PTPRA: variants seen among roughly 807,000 people sequenced by gnomAD.
The protein encoded by PTPRA is protein tyrosine phosphatase receptor type A.
In PTPRA, 25 loss-of-function variants were observed where a neutral mutation model predicts 104.8. That is an observed-to-expected ratio of 0.24 (90% CI 0.17 to 0.33). The LOEUF (loss-of-function observed/expected upper bound fraction) is 0.33. PTPRA is among the 10% of genes least tolerant of loss of function. The pLI, the probability that PTPRA is intolerant of heterozygous loss-of-function variation, is 1.00. For missense variants in PTPRA, 765 were observed against 1,015.3 expected (o/e 0.75, Z 3.35); for synonymous variants, 323 against 368.9 (o/e 0.88, Z 1.43).
intron 5 of PTPRA, among the ~76,000 whole-genome samples, chr20:2,966,387 A>C (rs1163475147): frequency 6.6e-6 from 1 of 152,238 alleles, no homozygotes; most frequent in Admixed American, 6.5e-5. Flanking sequence ...TATTAGGATT[A>C]AACAAGTTAA....
chr20:2,866,652 A>AGCT, the PTPRA span: 3 of 1,582,390 alleles, frequency 1.9e-6, no homozygotes, highest in East Asian at 6.7e-5. Context: ...TAGTTCATCC[A>AGCT]GCTCCTCCCC....
chr20:2,997,931 G>T (rs974975226), intron 9 of PTPRA, among the ~76,000 whole-genome samples: 2 of 152,198 alleles, frequency 1.3e-5, no homozygotes, highest in African/African-American at 4.8e-5. Context: ...TTTAAGACCA[G>T]CCTAGGCAAT....
At chr20:3,031,402 C>T (rs1473225770) in intron 20 of PTPRA, among the ~76,000 whole-genome samples, 1 of 151,880 alleles carries the variant, frequency 6.6e-6, no homozygotes, top group Non-Finnish European at 1.5e-5. Flanking sequence ...TCTTGAATCC[C>T]CATTCCCCAT....
intron 9 of PTPRA, among the ~76,000 whole-genome samples, chr20:3,004,419 T>A (rs530875104): frequency 6.6e-6 from 1 of 152,324 alleles, no homozygotes; most frequent in Admixed American, 6.5e-5. Flanking sequence ...TGTGATAACC[T>A]CCCTGCACTA....
intron 6 of PTPRA, among the ~76,000 whole-genome samples, chr20:2,986,153 C>G (rs948344398): frequency 6.6e-6 from 1 of 152,124 alleles, no homozygotes; most frequent in Non-Finnish European, 1.5e-5. Context: ...GCAATCCACC[C>G]GCTTTGTCCT....
At position 3,038,504 on chromosome 20, in the gene PTPRA, G is replaced by A. The variant is rs1189743403; in HGVS notation, c.*371G>A. On this transcript the variant is annotated 3_prime_UTR_variant, in exon 24 of 24. Coordinates refer to ENST00000399903, the MANE Select transcript of PTPRA (RefSeq NM_001385305.1). Reference sequence around the variant, plus strand: ...GCACAAAGTTCTCAGAGCTCTCGAGGAAAGTGGTTGTCCCCGTACCACCAT... The same window carrying A: ...GCACAAAGTTCTCAGAGCTCTCGAGAAAAGTGGTTGTCCCCGTACCACCAT... 1.1e-5 allele frequency: 3 copies of A among 265,346 alleles called. No homozygotes were observed. The highest frequency in any genetic ancestry group is 7.6e-5 in the South Asian group (2 of 26,236). 16.4% of individuals were successfully genotyped at this position (265,346 alleles called of 1,614,324 possible). A position where few individuals can be genotyped will look rare whatever the true frequency, so the allele number is the denominator to read the frequency against.
At chr20:2,888,918 T>A (rs1351433428) in intron 1 of PTPRA, among the ~76,000 whole-genome samples, 1 of 152,210 alleles carries the variant, frequency 6.6e-6, no homozygotes, top group Non-Finnish European at 1.5e-5. Context: ...TACCTTTGGG[T>A]GGGATCTTAA....
At chr20:3,006,518 A>G (rs945057220) in intron 10 of PTPRA, among the ~76,000 whole-genome samples, 6 of 152,212 alleles carry the variant, frequency 3.9e-5, no homozygotes, top group Admixed American at 2.0e-4. Context: ...ATACATTAGC[A>G]TATGTGCATA....
In PTPRA at chr20:3,017,798, T is replaced by C. The variant is rs1163625840; in HGVS notation, c.944-18T>C. ...TCTTGGTGTATATTCTCTTCATTTT[T>C]GCTGTTGGCTACTTTAGGACCAAAA... On this transcript the variant is annotated intron_variant, in intron 12 of 23. Transcript: ENST00000399903. The C allele has an allele frequency of 6.2e-7, 1 of 1,606,308 alleles. No individual in the cohort carries two copies. The highest frequency in any genetic ancestry group is 8.5e-7 in the Non-Finnish European group (1 of 1,172,882).
chr20:2,948,380 T>C (rs1301057640), intron 3 of PTPRA, among the ~76,000 whole-genome samples: 1 of 152,208 alleles, frequency 6.6e-6, no homozygotes, highest in East Asian at 1.9e-4. Flanking sequence ...CTCTAATGTC[T>C]CTAGTATCTG....
At chr20:2,948,450 G>A (rs1194174829) in intron 3 of PTPRA, among the ~76,000 whole-genome samples, 1 of 152,126 alleles carries the variant, frequency 6.6e-6, no homozygotes, top group African/African-American at 2.4e-5. Flanking sequence ...TCTCTTCCCA[G>A]TACTCAACCT....
At chr20:2,877,232 A>G (rs1041842457) in intron 1 of PTPRA, among the ~76,000 whole-genome samples, 1 of 152,148 alleles carries the variant, frequency 6.6e-6, no homozygotes, top group Non-Finnish European at 1.5e-5. Flanking sequence ...CAAATGACAA[A>G]GCTGAAGAGA....
chr20:3,032,562 T>C (rs1483713287), intron 20 of PTPRA, among the ~76,000 whole-genome samples: 2 of 149,884 alleles, frequency 1.3e-5, no homozygotes, highest in East Asian at 3.9e-4. Context: ...AGTCAGGAGA[T>C]CGAGACCAGC....
chr20:2,947,584 C>T (rs934633239), intron 2 of PTPRA, among the ~76,000 whole-genome samples: 7 of 152,154 alleles, frequency 4.6e-5, no homozygotes. Flanking sequence ...TCATCACTGC[C>T]AGCGTCTCCA....
In PTPRA at chr20:2,982,143, T is replaced by C. The variant is rs185027878; in HGVS notation, c.443-4622T>C. 4.8e-3 allele frequency among the ~76,000 whole-genome samples: 712 copies of C among 148,634 alleles called. 5 individuals are homozygous for C. Among genetic ancestry groups the C allele is most frequent in the African/African-American group, 0.016 (660 of 40,224 alleles). ...TCTCGCTCCGTCACCCAGGCTGGAG[T>C]GCAGTGGCACGATCTTGGCTCACTG... On this transcript the variant is annotated intron_variant, in intron 6 of 23. Coordinates refer to ENST00000399903, the MANE Select transcript of PTPRA (RefSeq NM_001385305.1).
chr20:2,994,972 A>C (rs1021154775), intron 9 of PTPRA, among the ~76,000 whole-genome samples: 1 of 152,124 alleles, frequency 6.6e-6, no homozygotes, highest in Non-Finnish European at 1.5e-5. Context: ...TCTACTAAAA[A>C]TACAAAAATT....
chr20:2,890,264 T>C (rs1600066254), intron 1 of PTPRA, among the ~76,000 whole-genome samples: 1 of 152,128 alleles, frequency 6.6e-6, no homozygotes, highest in South Asian at 2.1e-4. Context: ...GTGTTTCTTT[T>C]ATATATTCCT....
At chr20:2,971,402 G>A (rs935533218) in intron 5 of PTPRA, among the ~76,000 whole-genome samples, 1 of 152,066 alleles carries the variant, frequency 6.6e-6, no homozygotes, top group Admixed American at 6.6e-5. Context: ...GGATATGAAG[G>A]CTACTGATTT....
intron 2 of PTPRA, among the ~76,000 whole-genome samples, chr20:2,931,993 C>CT (rs1253642431): frequency 6.6e-6 from 1 of 152,174 alleles, no homozygotes; most frequent in East Asian, 1.9e-4. Context: ...AGAATAAGAA[C>CT]TTTAACTTTT....
Sources: gnomAD v4.1 joint callset for allele counts (sites outside exome capture counted in the v4.1 genomes callset) on GRCh38, gnomAD v4.1.1 for gene constraint, MANE v1.5 for transcripts, NCBI Gene and HGNC (gene_info 2026-07-23, HGNC 2026-07-21) for gene names.